GRID2: variants seen among roughly 807,000 people sequenced by gnomAD.
GRID2 encodes the protein glutamate receptor ionotropic, delta-2.
GRID2 carries 33 observed loss-of-function variants against 114.8 expected under a neutral mutation model. The ratio of observed to expected loss-of-function variants is 0.29; its 90% CI spans 0.22 to 0.38. The LOEUF (loss-of-function observed/expected upper bound fraction) is 0.38. Ranked by LOEUF, GRID2 falls within the 10% of genes least tolerant of loss-of-function variation. The pLI, the probability that GRID2 is intolerant of heterozygous loss-of-function variation, is 1.00. For synonymous variants in GRID2, 505 were observed against 449.9 expected, an observed-to-expected ratio of 1.12 and a Z score of -1.55; for missense variants, 1,184 against 1,257.7, an observed-to-expected ratio of 0.94 and a Z score of 0.89.
intron 13 of GRID2, among the ~76,000 whole-genome samples, chr4:93,592,803 A>G (rs1239642624): frequency 2.0e-5 from 3 of 152,110 alleles, no homozygotes; most frequent in Non-Finnish European, 4.4e-5. Flanking sequence ...TGCCTTTACC[A>G]TTATGTAATG....
intron 10 of GRID2, among the ~76,000 whole-genome samples, chr4:93,444,665 T>C (rs771209002): frequency 6.6e-6 from 1 of 152,136 alleles, no homozygotes; most frequent in South Asian, 2.1e-4. Flanking sequence ...TAAACACTTA[T>C]TGAGCATCTA....
intron 1 of GRID2, among the ~76,000 whole-genome samples, chr4:92,378,474 A>G (rs1276894812): frequency 6.6e-6 from 1 of 152,118 alleles, no homozygotes; most frequent in Admixed American, 6.6e-5. Flanking sequence ...TTCATAATTT[A>G]GGTTTTAATT....
chr4:92,654,802 C>G (rs1045709553), intron 2 of GRID2, among the ~76,000 whole-genome samples: 1 of 151,828 alleles, frequency 6.6e-6, no homozygotes, highest in African/African-American at 2.4e-5. Context: ...GGATGTTAGT[C>G]CCTTGTCAGA....
At chr4:93,052,589 A>G (rs1401581818) in intron 2 of GRID2, among the ~76,000 whole-genome samples, 1 of 151,998 alleles carries the variant, frequency 6.6e-6, no homozygotes, top group Non-Finnish European at 1.5e-5. Context: ...TATGTAGAAA[A>G]GTAAAATACA....
At chr4:92,932,554 C>G (rs1578513840) in intron 2 of GRID2, among the ~76,000 whole-genome samples, 1 of 151,270 alleles carries the variant, frequency 6.6e-6, no homozygotes, top group African/African-American at 2.4e-5. Context: ...CAACCCCATT[C>G]CCAGATATTT....
At chr4:93,304,762 T>A (rs1755246583) in intron 8 of GRID2, among the ~76,000 whole-genome samples, 1 of 152,146 alleles carries the variant, frequency 6.6e-6, no homozygotes, top group African/African-American at 2.4e-5. Context: ...GCAAATATTT[T>A]TTTAATTGAA....
At chr4:93,224,979 T>A (rs1745319473) in intron 7 of GRID2, among the ~76,000 whole-genome samples, 1 of 152,054 alleles carries the variant, frequency 6.6e-6, no homozygotes, top group Non-Finnish European at 1.5e-5. Flanking sequence ...TAAGGGAGTT[T>A]TAAGCAAGTA....
chr4:92,667,670 T>C (rs1288350727), intron 2 of GRID2, among the ~76,000 whole-genome samples: 8 of 151,546 alleles, frequency 5.3e-5, no homozygotes, highest in Non-Finnish European at 1.2e-4. Flanking sequence ...CACCCAAACA[T>C]ATGAGAATTC....
intron 2 of GRID2, among the ~76,000 whole-genome samples, chr4:92,951,125 A>G (rs886962057): frequency 1.3e-5 from 2 of 152,228 alleles, no homozygotes; most frequent in Admixed American, 1.3e-4. Context: ...AGAAGTACAT[A>G]TATTCTATGT....
chr4:93,087,558 TTTC>T (rs1198067974), intron 3 of GRID2, among the ~76,000 whole-genome samples: 1 of 152,160 alleles, frequency 6.6e-6, no homozygotes, highest in East Asian at 1.9e-4. Flanking sequence ...ATATTTGAAA[TTTC>T]TTATTCTTTT....
At chr4:92,589,475 A>C (rs1728607764) in intron 1 of GRID2, among the ~76,000 whole-genome samples, 1 of 152,240 alleles carries the variant, frequency 6.6e-6, no homozygotes, top group Non-Finnish European at 1.5e-5. Flanking sequence ...AAGTTAGCAC[A>C]GTGTTTATCA....
intron 10 of GRID2, among the ~76,000 whole-genome samples, chr4:93,425,949 A>G (rs946038559): frequency 6.6e-6 from 1 of 151,928 alleles, no homozygotes; most frequent in South Asian, 2.1e-4. Flanking sequence ...TTTGATCCTG[A>G]ATTTTTAATT....
At chr4:92,812,613 A>G (rs1248242903) in intron 2 of GRID2, among the ~76,000 whole-genome samples, 1 of 152,096 alleles carries the variant, frequency 6.6e-6, no homozygotes, top group East Asian at 1.9e-4. Context: ...GCAACTTTAT[A>G]TGGTGATTTT....
intron 2 of GRID2, among the ~76,000 whole-genome samples, chr4:92,857,289 T>G (rs1306491227): frequency 6.6e-6 from 1 of 152,144 alleles, no homozygotes; most frequent in Non-Finnish European, 1.5e-5. Flanking sequence ...TTAAGCTTAG[T>G]GAGGAAAGAG....
chr4:92,822,176 A>G (rs1741330279), intron 2 of GRID2: 2 of 410,370 alleles, frequency 4.9e-6, no homozygotes, highest in East Asian at 1.3e-4. Context: ...GGCCTGTGGT[A>G]GCGCAGAACC....
chr4:92,459,006 G>A lies in GRID2; in HGVS notation c.89-131125G>A, dbSNP rs570245698. ...TCTCAAACTTGGTTTTAGAACTGAA[G>A]CACTTTTTATTTCAGTATCATTATT... On this transcript the variant is annotated intron_variant, in intron 1 of 15. Transcript: ENST00000282020. 5.3e-5 allele frequency among the ~76,000 whole-genome samples: 8 copies of A among 152,226 alleles called. No homozygotes were observed. In the South Asian group the frequency reaches 1.5e-3, roughly 28 times the overall value.
chr4:92,396,396 CTT>C (rs936917568), intron 1 of GRID2, among the ~76,000 whole-genome samples: 2 of 152,004 alleles, frequency 1.3e-5, no homozygotes, highest in East Asian at 3.9e-4. Context: ...TTGCCGATTG[CTT>C]TTTGTAAGTA....
intron 2 of GRID2, among the ~76,000 whole-genome samples, chr4:92,886,729 C>T (rs1360898371): frequency 6.6e-6 from 1 of 152,046 alleles, no homozygotes; most frequent in Non-Finnish European, 1.5e-5. Context: ...AGGTTCATGC[C>T]ATTCTCCTGC....
At chr4:93,258,188 T>A (rs1749839036) in intron 8 of GRID2, among the ~76,000 whole-genome samples, 1 of 151,612 alleles carries the variant, frequency 6.6e-6, no homozygotes, top group East Asian at 1.9e-4. Flanking sequence ...GTTTGAATAA[T>A]TAAGTTTTCA....
Sources: allele counts gnomAD v4.1 joint callset (sites outside exome capture counted in the v4.1 genomes callset), GRCh38; gene constraint gnomAD v4.1.1; transcripts MANE v1.5; gene names NCBI Gene and HGNC (gene_info 2026-07-23, HGNC 2026-07-21).